Variants in ARMH3 observed in about 807,000 individuals in gnomAD.
ARMH3 encodes armadillo-like helical domain-containing protein 3.
In ARMH3, 60 loss-of-function variants were observed where a neutral mutation model predicts 99.1. The observed-to-expected ratio is 0.61, with a 90% confidence interval of 0.49 to 0.75. The LOEUF is 0.75. Among genes scored for constraint, ARMH3 ranks in the 30% least tolerant of loss-of-function variants. The pLI, the probability that ARMH3 is intolerant of heterozygous loss-of-function variation, is 0.00. For missense variants in ARMH3, 679 were observed against 843.1 expected (o/e 0.81, Z 2.41); for synonymous variants, 285 against 292.8 (o/e 0.97, Z 0.27).
At chr10:101,863,656 G>A (rs548339790) in intron 24 of ARMH3, among the ~76,000 whole-genome samples, 1 of 152,274 alleles carries the variant, frequency 6.6e-6, no homozygotes, top group East Asian at 1.9e-4. Flanking sequence ...GTGCATGGTA[G>A]CTCGTGCCTG....
intron 2 of ARMH3, among the ~76,000 whole-genome samples, chr10:102,036,273 C>T (rs1267613296): frequency 1.4e-5 from 2 of 147,510 alleles, no homozygotes; most frequent in African/African-American, 5.0e-5. Context: ...CACATCCGCC[C>T]GGCCGCCGCC....
At chr10:101,999,303 T>G (rs1267219061) in intron 15 of ARMH3, among the ~76,000 whole-genome samples, 1 of 152,142 alleles carries the variant, frequency 6.6e-6, no homozygotes, top group Non-Finnish European at 1.5e-5. Context: ...GCGATTCTTA[T>G]GCCTCAGCCT....
chr10:101,995,062 C>A (rs1846991299), intron 16 of ARMH3, among the ~76,000 whole-genome samples: 1 of 152,168 alleles, frequency 6.6e-6, no homozygotes. Context: ...CAAACTGCTC[C>A]ACAGTTTAAA....
At chr10:101,888,975 C>T (rs757591412) in intron 24 of ARMH3, among the ~76,000 whole-genome samples, 3 of 152,166 alleles carry the variant, frequency 2.0e-5, no homozygotes, top group Admixed American at 6.5e-5. Flanking sequence ...AACTCAATTA[C>T]TAAGGAAAAT....
chr10:101,908,830 A>G (rs1223619736), intron 23 of ARMH3, among the ~76,000 whole-genome samples: 1 of 151,666 alleles, frequency 6.6e-6, no homozygotes, highest in East Asian at 1.9e-4. Flanking sequence ...CACCCGGCTA[A>G]TTCTGTGTTT....
At chr10:101,954,390 C>T (rs764882373) in intron 22 of ARMH3, among the ~76,000 whole-genome samples, 1 of 152,062 alleles carries the variant, frequency 6.6e-6, no homozygotes, top group Non-Finnish European at 1.5e-5. Context: ...GATGCAATGA[C>T]AAGGATGAAT....
chr10:101,937,277 G>A (rs1354100361), intron 23 of ARMH3, among the ~76,000 whole-genome samples: 1 of 152,114 alleles, frequency 6.6e-6, no homozygotes, highest in Non-Finnish European at 1.5e-5. Context: ...CAGCACTTTG[G>A]GAGGCCAAGG....
At chr10:101,849,267 CACTG>C (rs1278304445) in intron 25 of ARMH3, among the ~76,000 whole-genome samples, 2 of 152,116 alleles carry the variant, frequency 1.3e-5, no homozygotes, top group Non-Finnish European at 2.9e-5. Flanking sequence ...TCTGTGGAGA[CACTG>C]ACTGGGAACT....
chr10:102,021,667 C>T (rs950203404), intron 8 of ARMH3, among the ~76,000 whole-genome samples: 1 of 151,992 alleles, frequency 6.6e-6, no homozygotes, highest in African/African-American at 2.4e-5. Context: ...TCTGCTTCAG[C>T]CTCCCGAGTA....
At position 101,873,136 on chromosome 10, in the gene ARMH3, G is replaced by T. The variant is rs190305207; in HGVS notation, c.1860+16276C>A. Among the ~76,000 whole-genome samples the T allele has an allele frequency of 1.5e-3, 224 of 150,608 alleles. 1 individual carries two copies. Among genetic ancestry groups the T allele is most frequent in the African/African-American group, 5.3e-3 (217 of 40,894 alleles). On this transcript the variant is annotated intron_variant, in intron 24 of 25. Transcript: ENST00000370033. ...ACAGCGTGGCAGGCCGGGCACAGTG[G>T]CTCACGTCTGTAATCCCAGCACTTT...
At chr10:101,942,920 C>T (rs1844310275) in intron 22 of ARMH3, among the ~76,000 whole-genome samples, 1 of 151,800 alleles carries the variant, frequency 6.6e-6, no homozygotes, top group Non-Finnish European at 1.5e-5. Flanking sequence ...AGTAACTTAC[C>T]CTCCTACCTT....
chr10:101,954,982 C>T (rs1312452742), intron 22 of ARMH3, among the ~76,000 whole-genome samples: 1 of 152,170 alleles, frequency 6.6e-6, no homozygotes, highest in Non-Finnish European at 1.5e-5. Flanking sequence ...CAACTCTTTC[C>T]TTTTCTCGTT....
chr10:101,965,669 T>C (rs1032105248), intron 20 of ARMH3, among the ~76,000 whole-genome samples: 1 of 152,194 alleles, frequency 6.6e-6, no homozygotes, highest in Non-Finnish European at 1.5e-5. Flanking sequence ...AGTAAAATAT[T>C]TGAGGTATTA....
At chr10:101,964,559 G>T (rs1477959124) in intron 20 of ARMH3, among the ~76,000 whole-genome samples, 1 of 152,142 alleles carries the variant, frequency 6.6e-6, no homozygotes, top group Non-Finnish European at 1.5e-5. Context: ...TAAAAAGGAA[G>T]AAAATTCTGA....
At chr10:101,993,626 G>A in intron 16 of ARMH3, 23 bp from the exon 17 acceptor site, 1 of 1,496,074 alleles carries the variant, frequency 6.7e-7, no homozygotes, top group Non-Finnish European at 9.2e-7. Flanking sequence ...TAGAGAAAAA[G>A]TAAGAAGCGA....
chr10:101,959,362 T>A (rs1845179542), intron 20 of ARMH3, among the ~76,000 whole-genome samples: 1 of 152,232 alleles, frequency 6.6e-6, no homozygotes, highest in African/African-American at 2.4e-5. Context: ...AGACAAGCCC[T>A]GTTAATGATA....
intron 15 of ARMH3, 75 bp from the exon 16 acceptor site, chr10:101,995,430 G>T: frequency 2.4e-6 from 3 of 1,231,794 alleles, no homozygotes; most frequent in Non-Finnish European, 3.5e-6. Flanking sequence ...GAACAAGGAC[G>T]TATATCATAA....
At chr10:102,025,868 T>C in intron 5 of ARMH3, among the ~76,000 whole-genome samples, 1 of 152,058 alleles carries the variant, frequency 6.6e-6, no homozygotes, top group South Asian at 2.1e-4. Context: ...CCCAGGGTGG[T>C]CTCGAACTCC....
At chr10:101,857,977 G>T (rs1266810425) in intron 24 of ARMH3, among the ~76,000 whole-genome samples, 1 of 152,172 alleles carries the variant, frequency 6.6e-6, no homozygotes, top group Non-Finnish European at 1.5e-5. Context: ...TGCAATTTCA[G>T]CAGCCTAGGC....
Sources: gnomAD v4.1 joint callset for allele counts (sites outside exome capture counted in the v4.1 genomes callset) on GRCh38, gnomAD v4.1.1 for gene constraint, MANE v1.5 for transcripts, NCBI Gene and HGNC (gene_info 2026-07-23, HGNC 2026-07-21) for gene names.